Variants in ARID4A observed in about 807,000 individuals in gnomAD.
ARID4A encodes AT-rich interaction domain 4A.
A neutral mutation model predicts 148.6 loss-of-function variants in ARID4A; 39 were observed. That is an observed-to-expected ratio of 0.26 (90% CI 0.20 to 0.34). The LOEUF is 0.34. ARID4A is among the 10% of genes least tolerant of loss of function. ARID4A has a pLI of 1.00. For synonymous variants in ARID4A, 475 were observed against 481.2 expected (o/e 0.99, Z 0.17); for missense variants, 1,265 against 1,449.1 (o/e 0.87, Z 2.06).
chr14:58,343,431 G>C (rs2034209968), intron 11 of ARID4A, among the ~76,000 whole-genome samples: 1 of 152,044 alleles, frequency 6.6e-6, no homozygotes, highest in African/African-American at 2.4e-5. Flanking sequence ...TGTATTATCA[G>C]CTATTAGATA....
intron 23 of ARID4A, chr14:58,370,097 G>C (rs2035538404): frequency 6.6e-6 from 1 of 152,204 alleles, no homozygotes; most frequent in African/African-American, 2.4e-5. Flanking sequence ...ATAGGAACAG[G>C]ATGGAGCAAA....
At chr14:58,303,546 A>T (rs2031363303) in intron 3 of ARID4A, 1 of 470,920 alleles carries the variant, frequency 2.1e-6, no homozygotes, top group African/African-American at 2.0e-5. Context: ...AGAATTAAGC[A>T]CCATAAAAGG....
In ARID4A at chr14:58,344,692, C is replaced by T. The variant is rs1555362692; in HGVS notation, c.907-3C>T. The T allele has an allele frequency of 1.2e-6, 2 of 1,604,942 alleles. No homozygotes were observed. The highest frequency in any genetic ancestry group is 1.3e-5 in the African/African-American group (1 of 74,662). ...CATACATTTATATATTTTATCTTTA[C>T]AGCCTGAGGAAGAACTTGATCCTGA... On this transcript the variant is annotated splice_region_variant and splice_polypyrimidine_tract_variant and intron_variant, in intron 11 of 23. Coordinates refer to ENST00000355431, the MANE Select transcript of ARID4A (RefSeq NM_002892.4).
intron 9 of ARID4A, among the ~76,000 whole-genome samples, chr14:58,328,675 T>A (rs2033350034): frequency 6.6e-6 from 1 of 152,094 alleles, no homozygotes; most frequent in African/African-American, 2.4e-5. Flanking sequence ...CAAGAGCAAT[T>A]ATTTTGACTT....
At chr14:58,337,268 A>ATAT (rs1422819457) in intron 11 of ARID4A, among the ~76,000 whole-genome samples, 2 of 133,936 alleles carry the variant, frequency 1.5e-5, no homozygotes, top group African/African-American at 2.8e-5. Flanking sequence ...ATATATATAT[A>ATAT]ATTAAAACCG....
chr14:58,337,268 A>ATATATATATATAT (rs1422819457), intron 11 of ARID4A, among the ~76,000 whole-genome samples: 44 of 133,752 alleles, frequency 3.3e-4, no homozygotes, highest in East Asian at 1.1e-3. Flanking sequence ...ATATATATAT[A>ATATATATATATAT]ATTAAAACCG....
intron 11 of ARID4A, among the ~76,000 whole-genome samples, chr14:58,335,816 C>G (rs1425747487): frequency 6.6e-6 from 1 of 152,194 alleles, no homozygotes; most frequent in Admixed American, 6.6e-5. Flanking sequence ...GATACCCAGT[C>G]CATTCTCTTC....
chr14:58,353,012 A>C (rs1302710267), intron 16 of ARID4A, among the ~76,000 whole-genome samples: 1 of 152,086 alleles, frequency 6.6e-6, no homozygotes, highest in Non-Finnish European at 1.5e-5. Context: ...TAATACTCAA[A>C]TTTCTTTTCT....
chr14:58,370,598 A>G (rs929389588), intron 23 of ARID4A, among the ~76,000 whole-genome samples: 4 of 151,922 alleles, frequency 2.6e-5, no homozygotes, highest in African/African-American at 9.7e-5. Flanking sequence ...CGCCCAGCCA[A>G]AAAGATTTTT....
At chr14:58,332,161 G>A (rs928876991) in intron 11 of ARID4A, among the ~76,000 whole-genome samples, 2 of 152,140 alleles carry the variant, frequency 1.3e-5, no homozygotes, top group Non-Finnish European at 2.9e-5. Flanking sequence ...GTGAGTATAC[G>A]TTAGTATAAA....
At chr14:58,343,553 G>T (rs915591017) in intron 11 of ARID4A, among the ~76,000 whole-genome samples, 2 of 152,152 alleles carry the variant, frequency 1.3e-5, no homozygotes, top group African/African-American at 2.4e-5. Context: ...TCCAGGCTGG[G>T]TGCTGTGGCT....
intron 5 of ARID4A, among the ~76,000 whole-genome samples, chr14:58,312,264 T>C (rs945867247): frequency 6.6e-6 from 1 of 151,722 alleles, no homozygotes; most frequent in Non-Finnish European, 1.5e-5. Context: ...TTGCCCAGGC[T>C]GGAGAGCAGT....
intron 7 of ARID4A, among the ~76,000 whole-genome samples, chr14:58,323,125 G>C (rs1051990101): frequency 6.6e-6 from 1 of 150,598 alleles, no homozygotes; most frequent in African/African-American, 2.4e-5. Flanking sequence ...AAAGTTATAT[G>C]TTATATTATC....
At chr14:58,323,966 G>A (rs1305382790) in intron 8 of ARID4A, among the ~76,000 whole-genome samples, 2 of 141,412 alleles carry the variant, frequency 1.4e-5, no homozygotes, top group South Asian at 2.2e-4. Flanking sequence ...GTGCAGTGGC[G>A]CGATCTCGGC....
At chr14:58,360,540 G>T (rs892023111) in intron 18 of ARID4A, among the ~76,000 whole-genome samples, 1 of 152,196 alleles carries the variant, frequency 6.6e-6, no homozygotes, top group Non-Finnish European at 1.5e-5. Context: ...TTCTGCAGGG[G>T]ATAGTAGGGA....
intron 11 of ARID4A, among the ~76,000 whole-genome samples, chr14:58,343,945 G>A (rs2034234420): frequency 6.6e-6 from 1 of 151,964 alleles, no homozygotes; most frequent in African/African-American, 2.4e-5. Flanking sequence ...TTCTCTAGTA[G>A]TGCTAAACTT....
intron 11 of ARID4A, among the ~76,000 whole-genome samples, chr14:58,330,942 T>G (rs1233887266): frequency 6.6e-6 from 1 of 152,102 alleles, no homozygotes; most frequent in Non-Finnish European, 1.5e-5. Context: ...TGTTACGGGG[T>G]AAAAGGGTTT....
At chr14:58,365,985 T>G in intron 21 of ARID4A, 39 bp from the exon 22 acceptor site, 1 of 1,506,474 alleles carries the variant, frequency 6.6e-7, no homozygotes, top group South Asian at 1.2e-5. Flanking sequence ...TTTAAGAATT[T>G]TATTTATAAT....
rs2035646401 is a variant in ARID4A, at chr14:58,372,277, T to A, written c.*288T>A. The A allele has an allele frequency of 3.1e-6, 1 of 326,096 alleles. No individual in the cohort carries two copies. 20.2% of individuals were successfully genotyped at this position (326,096 alleles called of 1,614,324 possible). A position where few individuals can be genotyped will look rare whatever the true frequency, so the allele number is the denominator to read the frequency against. ...ATAGAACAAAGGGCACTTAGCAAAT[T>A]TGAATTTGTATAATAAAGCTTTCAG... is the stretch of plus-strand genomic sequence containing the variant. On this transcript the variant is annotated 3_prime_UTR_variant, in exon 24 of 24. Transcript: ENST00000355431.
Sources: allele counts gnomAD v4.1 joint callset (sites outside exome capture counted in the v4.1 genomes callset), GRCh38; gene constraint gnomAD v4.1.1; transcripts MANE v1.5; gene names NCBI Gene and HGNC (gene_info 2026-07-23, HGNC 2026-07-21).